The following STMND1 variants were observed in gnomAD, a reference collection of about 807,000 sequenced individuals.
STMND1 encodes stathmin domain-containing protein 1.
In STMND1, 17 loss-of-function variants were observed where a neutral mutation model predicts 23.0. That is an observed-to-expected ratio of 0.74 (90% CI 0.51 to 1.11). STMND1 has a LOEUF of 1.11. Among genes scored for constraint, STMND1 ranks in the 50% least tolerant of loss-of-function variants. The pLI, the probability that STMND1 is intolerant of heterozygous loss-of-function variation, is 0.00. For missense variants in STMND1, 305 were observed against 329.1 expected (o/e 0.93, Z 0.57); for synonymous variants, 114 against 119.9 (o/e 0.95, Z 0.32).
intron 1 of STMND1, among the ~76,000 whole-genome samples, chr6:17,109,927 A>C (rs12194604): frequency 0.26 from 39,492 of 152,122 alleles, 5,876 homozygotes; most frequent in Non-Finnish European, 0.34. Flanking sequence ...TCGCATTCAA[A>C]ATAGAATCAA....
At chr6:17,117,257 T>A (rs1164913100) in intron 2 of STMND1, among the ~76,000 whole-genome samples, 1 of 151,920 alleles carries the variant, frequency 6.6e-6, no homozygotes, top group Non-Finnish European at 1.5e-5. Flanking sequence ...TTAGCAGAGA[T>A]GGGGTTTCAT....
chr6:17,119,844 G>A (rs1272382547), intron 2 of STMND1, among the ~76,000 whole-genome samples: 1 of 152,164 alleles, frequency 6.6e-6, no homozygotes, highest in Non-Finnish European at 1.5e-5. Flanking sequence ...GTTACTGACA[G>A]GAAAAGCAAA....
chr6:17,131,013 T>TG lies in STMND1; in HGVS notation c.*135dup. The TG allele has an allele frequency of 1.2e-6, 1 of 849,370 alleles. No homozygotes were observed. The allele number at this position is 849,370 out of a possible 1,614,324, so 52.6% of individuals were successfully genotyped here. A position where few individuals can be genotyped will look rare whatever the true frequency, so the allele number is the denominator to read the frequency against. On this transcript the variant is annotated 3_prime_UTR_variant, in exon 5 of 5. Coordinates refer to ENST00000536551, the MANE Select transcript of STMND1 (RefSeq NM_001190766.2). Reference sequence around the variant, plus strand: ...TGCCTTGGGCTTAAGGATGATTGTGTGGGCTGCACAGGCTGAAGGTTAGTT... The same window carrying TG: ...TGCCTTGGGCTTAAGGATGATTGTGTGGGGCTGCACAGGCTGAAGGTTAGTT...
At chr6:17,106,182 G>A (rs998955169) in intron 1 of STMND1, among the ~76,000 whole-genome samples, 2 of 151,984 alleles carry the variant, frequency 1.3e-5, no homozygotes, top group African/African-American at 2.4e-5. Flanking sequence ...CAAGACACTC[G>A]AGGTCACTCC....
At chr6:17,104,410 C>A (rs1760988851) in intron 1 of STMND1, among the ~76,000 whole-genome samples, 1 of 151,974 alleles carries the variant, frequency 6.6e-6, no homozygotes, top group South Asian at 2.1e-4. Context: ...ATCATTTGTT[C>A]CATTTCATGG....
chr6:17,120,931 G>A (rs1761225245), intron 3 of STMND1, among the ~76,000 whole-genome samples, 173 bp downstream of exon 3: 1 of 152,138 alleles, frequency 6.6e-6, no homozygotes, highest in Non-Finnish European at 1.5e-5. Context: ...CATCTCATAT[G>A]GTTTGGTTCT....
At position 17,130,964 on chromosome 6, in the gene STMND1, C is replaced by T. The variant is rs1761385052; in HGVS notation, c.*83C>T. On this transcript the variant is annotated 3_prime_UTR_variant, in exon 5 of 5. Transcript: ENST00000536551. ...AGTATGTCTCATATTCTTTGACTGA[C>T]TGACCTCATTCCACTGGGATTTCTG... The T allele has an allele frequency of 6.2e-6, 8 of 1,290,386 alleles. No homozygotes were observed. The highest frequency in any genetic ancestry group is 1.6e-5 in the South Asian group (1 of 64,406). 79.9% of individuals were successfully genotyped at this position (1,290,386 alleles called of 1,614,324 possible).
Position 17,131,094 on chromosome 6 carries a change from C to A in STMND1, c.*213C>A. 2.1e-6 allele frequency: 1 copy of A among 480,530 alleles called. No homozygotes were observed. Among genetic ancestry groups the A allele is most frequent in the Non-Finnish European group, 3.6e-6 (1 of 276,096 alleles). The allele number at this position is 480,530 out of a possible 1,614,324, so 29.8% of individuals were successfully genotyped here. On this transcript the variant is annotated 3_prime_UTR_variant, in exon 5 of 5. Transcript: ENST00000536551. ...AAAAAAGAGCGAGGGGGAGACTTGACCAGCATAGATATTTGGCACTCTCCT... is the reference window on the plus strand; with the variant it reads ...AAAAAAGAGCGAGGGGGAGACTTGAACAGCATAGATATTTGGCACTCTCCT...
chr6:17,122,652 G>A (rs1043478287), intron 3 of STMND1, among the ~76,000 whole-genome samples: 2 of 151,722 alleles, frequency 1.3e-5, no homozygotes, highest in African/African-American at 4.8e-5. Context: ...GAAAGTATTT[G>A]GGGGAAAGGA....
At chr6:17,113,659 G>T (rs1761122776) in intron 1 of STMND1, among the ~76,000 whole-genome samples, 1 of 148,660 alleles carries the variant, frequency 6.7e-6, no homozygotes, top group Non-Finnish European at 1.5e-5. Context: ...TTTGAGATGG[G>T]GTTTCGCCAC....
Position 17,130,851 on chromosome 6 carries a change from C to A in STMND1, c.801C>A (p.Ser267=). ...ESFGVVESDM[S]YNQADDIVY is the part of the protein sequence containing the mutation. ...TTGGGGTCGTGGAGTCAGACATGTC[C>A]TACAACCAAGCAGATGACATAGTCT... The change falls in exon 5 of 5, where the codon TCC becomes TCA. Residue 267 remains serine (S), a synonymous_variant. Coordinates refer to ENST00000536551, the MANE Select transcript of STMND1 (RefSeq NM_001190766.2). The A allele has an allele frequency of 2.0e-6, 3 of 1,532,232 alleles. No homozygotes were observed. The highest frequency in any genetic ancestry group is 2.6e-6 in the Non-Finnish European group (3 of 1,144,314). 94.9% of individuals were successfully genotyped at this position (1,532,232 alleles called of 1,614,324 possible).
chr6:17,127,115 T>C (rs544449318), intron 3 of STMND1, among the ~76,000 whole-genome samples: 1 of 152,398 alleles, frequency 6.6e-6, no homozygotes, highest in South Asian at 2.1e-4. Context: ...CTGCTTTGAC[T>C]GAATGAAAAG....
chr6:17,102,733 G>C (rs1760960344), intron 1 of STMND1, among the ~76,000 whole-genome samples: 3 of 152,130 alleles, frequency 2.0e-5, no homozygotes, highest in African/African-American at 7.2e-5. Flanking sequence ...GTTAGAGTCC[G>C]TAGGAACTGC....
In STMND1 at chr6:17,109,903, A is replaced by T. The variant is rs566983751; in HGVS notation, c.82-5059A>T. Among the ~76,000 whole-genome samples, 55 of 152,356 alleles carry T rather than the reference A, an allele frequency of 3.6e-4. No individual in the cohort carries two copies. In the South Asian group the frequency reaches 6.8e-3, roughly 19 times the overall value. ...ATTTATTTCCATGGATAAAAATCCT[A>T]CACAGGATTCCTGTCGCATTCAAAA... On this transcript the variant is annotated intron_variant, in intron 1 of 4. Transcript: ENST00000536551.
Position 17,130,698 on chromosome 6 carries a change from C to T in STMND1, c.648C>T (p.Ala216=), listed in dbSNP as rs1367840890. The T allele has an allele frequency of 6.5e-7, 1 of 1,535,918 alleles. No homozygotes were observed. The highest frequency in any genetic ancestry group is 1.4e-5 in the African/African-American group (1 of 73,002). ...AELDGAEVAF[A]KGLQRVRSAG... is the part of the protein sequence containing the mutation. ...TAGATGGGGCCGAGGTTGCATTTGC[C>T]AAAGGACTTCAAAGGGTGAGGTCTG... Residue 216 remains alanine (A), a synonymous_variant, in exon 5 of 5, where the codon GCC becomes GCT. Transcript: ENST00000536551.
intron 2 of STMND1, among the ~76,000 whole-genome samples, chr6:17,118,270 C>T (rs1166025240): frequency 2.0e-5 from 3 of 151,942 alleles, no homozygotes; most frequent in Non-Finnish European, 4.4e-5. Flanking sequence ...AAAATGCTAA[C>T]ATAAATGTTA....
Position 17,114,906 on chromosome 6 carries a change from A to G in STMND1, c.82-56A>G, listed in dbSNP as rs191701749. On this transcript the variant is annotated intron_variant, in intron 1 of 4. Transcript: ENST00000536551. ...ATATTCACAAAGCAGACCCTGCAAC[A>G]TTGTTTTTATTTACCAAGAAATCTT... is the stretch of plus-strand genomic sequence containing the variant. 6.9e-4 allele frequency: 1,008 copies of G among 1,456,116 alleles called. 6 individuals carry two copies. The highest frequency in any genetic ancestry group is 3.2e-3 in the Middle Eastern group (14 of 4,322). 90.2% of individuals were successfully genotyped at this position (1,456,116 alleles called of 1,614,324 possible). A position where few individuals can be genotyped will look rare whatever the true frequency, so the allele number is the denominator to read the frequency against.
In STMND1 at chr6:17,104,621, C is replaced by T. The variant is rs369915947; in HGVS notation, c.81+2283C>T. 1.0e-3 allele frequency among the ~76,000 whole-genome samples: 159 copies of T among 152,194 alleles called. 2 individuals are homozygous for T. In the South Asian group the frequency reaches 0.032, roughly 31 times the overall value. On this transcript the variant is annotated intron_variant, in intron 1 of 4. Transcript: ENST00000536551. The stretch of plus-strand genomic sequence containing the variant: ...TTGTGCAAGTCTCCTAATTGCTCTC[C>T]CTGGATCCTTTTTCTACTTCCTGCT...
chr6:17,125,029 T>A (rs1233945325), intron 3 of STMND1, among the ~76,000 whole-genome samples: 1 of 150,874 alleles, frequency 6.6e-6, no homozygotes, highest in Non-Finnish European at 1.5e-5. Flanking sequence ...AAAAAAAAGT[T>A]AAATGTGCTA....
Sources: gnomAD v4.1 joint callset for allele counts (sites outside exome capture counted in the v4.1 genomes callset) on GRCh38, gnomAD v4.1.1 for gene constraint, MANE v1.5 for transcripts, NCBI Gene and HGNC (gene_info 2026-07-23, HGNC 2026-07-21) for gene names.